The following RABGAP1L variants were observed in gnomAD, a reference collection of about 807,000 sequenced individuals.
RABGAP1L encodes the protein rab GTPase-activating protein 1-like.
In RABGAP1L, 63 loss-of-function variants were observed where a neutral mutation model predicts 137.7. The ratio of observed to expected loss-of-function variants is 0.46; its 90% CI spans 0.37 to 0.56. RABGAP1L has a LOEUF of 0.56. Ranked by LOEUF, RABGAP1L falls within the 20% of genes least tolerant of loss-of-function variation. The probability of loss-of-function intolerance (pLI) is 0.00; values close to 1 mark genes in which losing one functional copy is unlikely to be tolerated. For synonymous variants in RABGAP1L, 431 were observed against 433.7 expected (o/e 0.99, Z 0.08); for missense variants, 1,095 against 1,244.0 (o/e 0.88, Z 1.80).
chr1:174,423,050 AATTTC>A (rs1031987119), intron 13 of RABGAP1L, among the ~76,000 whole-genome samples: 1 of 152,106 alleles, frequency 6.6e-6, no homozygotes, highest in African/African-American at 2.4e-5. Context: ...TCATAAATAT[AATTTC>A]ATTTAACCTT....
intron 1 of RABGAP1L, among the ~76,000 whole-genome samples, chr1:174,202,720 C>G (rs552692306): frequency 5.9e-5 from 9 of 152,194 alleles, no homozygotes; most frequent in East Asian, 1.9e-4. Flanking sequence ...ACATGAAGTC[C>G]TTGCCCATGC....
chr1:174,389,948 T>A (rs1292117048), intron 12 of RABGAP1L, among the ~76,000 whole-genome samples: 1 of 152,204 alleles, frequency 6.6e-6, no homozygotes, highest in African/African-American at 2.4e-5. Flanking sequence ...AGTTGCCTAT[T>A]TTCAAGTTCC....
chr1:174,332,553 G>A lies in RABGAP1L; in HGVS notation c.1465+27426G>A, dbSNP rs553764630. Among the ~76,000 whole-genome samples, 12 of 152,082 alleles carry A rather than the reference G, an allele frequency of 7.9e-5. No individual in the cohort carries two copies. The East Asian group carries it at 2.1e-3, about 27-fold the overall frequency. Reference sequence around the variant, plus strand: ...TGTGATTACAGATGTGCACCACCACGCCTGGCTAATTTTTGTATTTTTAGT... The same window carrying A: ...TGTGATTACAGATGTGCACCACCACACCTGGCTAATTTTTGTATTTTTAGT... On this transcript the variant is annotated intron_variant, in intron 11 of 25. Coordinates refer to ENST00000681986, the MANE Select transcript of RABGAP1L (RefSeq NM_001366446.1).
intron 13 of RABGAP1L, among the ~76,000 whole-genome samples, chr1:174,436,015 A>C (rs967485673): frequency 3.9e-5 from 6 of 152,162 alleles, no homozygotes; most frequent in African/African-American, 1.4e-4. Flanking sequence ...ATAGTATTCC[A>C]TGGTGTATAT....
intron 1 of RABGAP1L, among the ~76,000 whole-genome samples, chr1:174,162,926 T>TC: frequency 8.2e-6 from 1 of 122,324 alleles, no homozygotes; most frequent in Non-Finnish European, 1.6e-5. Context: ...AATATCACAC[T>TC]CTGGGGACTG....
chr1:174,601,018 A>G (rs942524736), intron 13 of RABGAP1L, among the ~76,000 whole-genome samples: 9 of 152,230 alleles, frequency 5.9e-5, no homozygotes, highest in African/African-American at 2.2e-4. Flanking sequence ...TCTGAAATCT[A>G]GGTGGAGGTT....
chr1:174,471,643 C>T (rs1413488539), intron 13 of RABGAP1L, among the ~76,000 whole-genome samples: 2 of 152,130 alleles, frequency 1.3e-5, no homozygotes. Flanking sequence ...GTTCTATATA[C>T]TATAGGTGTT....
At chr1:174,698,177 T>C (rs1485471789) in intron 15 of RABGAP1L, among the ~76,000 whole-genome samples, 2 of 152,238 alleles carry the variant, frequency 1.3e-5, no homozygotes, top group Non-Finnish European at 2.9e-5. Flanking sequence ...TAGATGTTTG[T>C]ATAATAGTTA....
In RABGAP1L at chr1:174,974,659, C is replaced by T. The variant is rs569146394; in HGVS notation, c.2545-1419C>T. On this transcript the variant is annotated intron_variant, in intron 21 of 25. Coordinates refer to ENST00000681986, the MANE Select transcript of RABGAP1L (RefSeq NM_001366446.1). ...AAAGACTTTTAAGGGACTTTTTCGC[C>T]TTAACTACCCAACGGTTTCAAATGA... Among the ~76,000 whole-genome samples the T allele has an allele frequency of 3.9e-5, 6 of 152,240 alleles. No individual in the cohort carries two copies. In the South Asian group the frequency reaches 1.2e-3, roughly 32 times the overall value.
intron 1 of RABGAP1L, among the ~76,000 whole-genome samples, chr1:174,184,276 A>G (rs1666625279): frequency 6.6e-6 from 1 of 152,112 alleles, no homozygotes; most frequent in Non-Finnish European, 1.5e-5. Context: ...TGGATGTACC[A>G]CAGTCTGTCT....
chr1:174,211,016 G>A (rs992793396), intron 1 of RABGAP1L, among the ~76,000 whole-genome samples: 4 of 152,104 alleles, frequency 2.6e-5, no homozygotes, highest in South Asian at 2.1e-4. Flanking sequence ...ACATGAAGGA[G>A]AAGTAAAGAC....
At chr1:174,899,658 C>G (rs1049009115) in intron 19 of RABGAP1L, among the ~76,000 whole-genome samples, 1 of 152,126 alleles carries the variant, frequency 6.6e-6, no homozygotes, top group Non-Finnish European at 1.5e-5. Flanking sequence ...CTTTTCCTTT[C>G]AGATTTCAAT....
rs554373141 is a variant in RABGAP1L, at chr1:174,900,711, G to C, written c.2341-56746G>C. 4.6e-5 allele frequency among the ~76,000 whole-genome samples: 7 copies of C among 152,138 alleles called. No individual in the cohort carries two copies. The South Asian group carries it at 1.0e-3, about 23-fold the overall frequency. ...ATTTTTCTATTTTTAGTAGAGACAG[G>C]GTTTCACCATGTTGGCCAGGCTAGT... On this transcript the variant is annotated intron_variant, in intron 19 of 25. Coordinates refer to ENST00000681986, the MANE Select transcript of RABGAP1L (RefSeq NM_001366446.1).
intron 14 of RABGAP1L, among the ~76,000 whole-genome samples, chr1:174,666,398 A>G (rs1284007879): frequency 6.6e-6 from 1 of 152,216 alleles, no homozygotes; most frequent in Non-Finnish European, 1.5e-5. Flanking sequence ...TTGCTATTCA[A>G]TCTGTACTGA....
At chr1:174,295,772 G>A (rs998947654) in intron 10 of RABGAP1L, among the ~76,000 whole-genome samples, 15 of 151,916 alleles carry the variant, frequency 9.9e-5, no homozygotes, top group African/African-American at 3.4e-4. Flanking sequence ...TCCCACCTTG[G>A]CCTCTCAAAG....
intron 10 of RABGAP1L, among the ~76,000 whole-genome samples, chr1:174,297,169 CA>C (rs1357307054): frequency 9.2e-5 from 14 of 152,084 alleles, no homozygotes; most frequent in Non-Finnish European, 1.9e-4. Flanking sequence ...CTCCCTATAA[CA>C]AAAGACAGAA....
chr1:174,316,076 G>A (rs942717593), intron 11 of RABGAP1L, among the ~76,000 whole-genome samples: 11 of 151,998 alleles, frequency 7.2e-5, no homozygotes, highest in Admixed American at 6.6e-4. Context: ...CAGCGTTTCT[G>A]CTTAATCTGA....
chr1:174,711,835 C>A (rs992345142), intron 17 of RABGAP1L, among the ~76,000 whole-genome samples: 12 of 152,252 alleles, frequency 7.9e-5, no homozygotes, highest in African/African-American at 2.9e-4. Flanking sequence ...GGCCCTGGCA[C>A]AGGATCCACT....
chr1:174,625,829 A>G (rs1190662013), intron 13 of RABGAP1L, among the ~76,000 whole-genome samples: 1 of 152,200 alleles, frequency 6.6e-6, no homozygotes, highest in Non-Finnish European at 1.5e-5. Flanking sequence ...ATGTTTCTCA[A>G]ACCCTAGTTT....
Sources: allele counts gnomAD v4.1 joint callset (sites outside exome capture counted in the v4.1 genomes callset), GRCh38; gene constraint gnomAD v4.1.1; transcripts MANE v1.5; gene names NCBI Gene and HGNC (gene_info 2026-07-23, HGNC 2026-07-21).